Variants in PRKCB observed in about 807,000 individuals in gnomAD.
PRKCB encodes the protein protein kinase C beta.
A neutral mutation model predicts 81.5 loss-of-function variants in PRKCB; 13 were observed. The ratio of observed to expected loss-of-function variants is 0.16; its 90% CI spans 0.10 to 0.25. The LOEUF (loss-of-function observed/expected upper bound fraction) is 0.25. Among genes scored for constraint, PRKCB ranks in the 10% least tolerant of loss-of-function variants. The pLI is 1.00. For synonymous variants in PRKCB, 335 were observed against 321.4 expected, an observed-to-expected ratio of 1.04 and a Z score of -0.45; for missense variants, 509 against 875.7, an observed-to-expected ratio of 0.58 and a Z score of 5.29.
chr16:23,925,894 A>G (rs975891373), intron 2 of PRKCB, among the ~76,000 whole-genome samples: 4 of 151,672 alleles, frequency 2.6e-5, no homozygotes, highest in Non-Finnish European at 4.4e-5. Flanking sequence ...CCCATTTATA[A>G]CTAAGAATAT....
At chr16:24,169,394 G>C (rs1427040502) in intron 10 of PRKCB, among the ~76,000 whole-genome samples, 2 of 152,126 alleles carry the variant, frequency 1.3e-5, no homozygotes, top group Non-Finnish European at 2.9e-5. Context: ...ATTTCTTTCA[G>C]AGTGAGACCC....
intron 2 of PRKCB, among the ~76,000 whole-genome samples, chr16:23,902,732 C>CCCTCCCTTCCTTCCTT (rs1175142476): frequency 2.7e-4 from 3 of 11,114 alleles, no homozygotes; most frequent in African/African-American, 1.4e-3. Context: ...CTCCCTTCCT[C>CCCTCCCTTCCTTCCTT]CCTTCCTTCC....
chr16:23,978,688 A>G (rs1004308237), intron 2 of PRKCB, among the ~76,000 whole-genome samples: 2 of 152,128 alleles, frequency 1.3e-5, no homozygotes, highest in Non-Finnish European at 2.9e-5. Context: ...GGTGGGGTAT[A>G]CTGTGGGTAG....
At chr16:23,985,123 G>A (rs139200565) in intron 2 of PRKCB, among the ~76,000 whole-genome samples, 3 of 151,930 alleles carry the variant, frequency 2.0e-5, no homozygotes, top group South Asian at 2.1e-4. Flanking sequence ...ATGGAGTCTC[G>A]CTCTGTTGCC....
At chr16:24,048,743 A>G (rs1302414072) in intron 5 of PRKCB, among the ~76,000 whole-genome samples, 4 of 151,998 alleles carry the variant, frequency 2.6e-5, no homozygotes, top group Non-Finnish European at 4.4e-5. Context: ...CGGCCCCCCA[A>G]AGTGCTGGGA....
In PRKCB at chr16:23,933,423, C is replaced by A. The variant is rs368162328; in HGVS notation, c.206-55085C>A. Among the ~76,000 whole-genome samples the A allele has an allele frequency of 2.0e-5, 3 of 152,198 alleles. No individual in the cohort carries two copies. The East Asian group carries it at 5.8e-4, about 29-fold the overall frequency. On this transcript the variant is annotated intron_variant, in intron 2 of 16. Transcript: ENST00000643927. ...TTGGTTAAGTTGCATATGGTTGGCTCTTCTGTTAATTCAAGCCAGAAGATT... is the reference window on the plus strand; with the variant it reads ...TTGGTTAAGTTGCATATGGTTGGCTATTCTGTTAATTCAAGCCAGAAGATT...
At chr16:23,990,467 GA>G (rs1353103878) in intron 3 of PRKCB, among the ~76,000 whole-genome samples, 2 of 143,744 alleles carry the variant, frequency 1.4e-5, no homozygotes, top group East Asian at 2.1e-4. Flanking sequence ...CGAAAAAAAA[GA>G]AAAAAAAGAA....
At chr16:24,143,403 AC>A (rs1966934813) in intron 9 of PRKCB, among the ~76,000 whole-genome samples, 1 of 152,036 alleles carries the variant, frequency 6.6e-6, no homozygotes, top group Non-Finnish European at 1.5e-5. Context: ...AGGTGCTGGG[AC>A]TACAGGCATG....
At chr16:23,843,298 C>T (rs1033118334) in intron 2 of PRKCB, among the ~76,000 whole-genome samples, 4 of 152,150 alleles carry the variant, frequency 2.6e-5, no homozygotes, top group Non-Finnish European at 5.9e-5. Flanking sequence ...TGTTTCACTT[C>T]TCTTTCTTCC....
chr16:24,120,824 C>G (rs1966791320), intron 8 of PRKCB, among the ~76,000 whole-genome samples: 1 of 152,156 alleles, frequency 6.6e-6, no homozygotes, highest in South Asian at 2.1e-4. Context: ...ACCTCCAACT[C>G]CTGGGCTCAG....
chr16:24,010,512 G>T (rs781630227), intron 3 of PRKCB, among the ~76,000 whole-genome samples: 1 of 152,284 alleles, frequency 6.6e-6, no homozygotes, highest in Non-Finnish European at 1.5e-5. Flanking sequence ...TAGTCAAATG[G>T]GCTTTCTTTG....
intron 2 of PRKCB, among the ~76,000 whole-genome samples, chr16:23,911,380 G>A (rs1055295636): frequency 2.6e-5 from 4 of 151,254 alleles, no homozygotes; most frequent in Admixed American, 6.6e-5. Flanking sequence ...CACCCACCTC[G>A]GCCTCCCAAA....
intron 2 of PRKCB, among the ~76,000 whole-genome samples, chr16:23,856,655 C>G (rs1339713313): frequency 6.6e-6 from 1 of 151,956 alleles, no homozygotes; most frequent in Non-Finnish European, 1.5e-5. Flanking sequence ...TCATGAGTAG[C>G]TGGGACTTGA....
At position 24,219,245 on chromosome 16, in the gene PRKCB, C is replaced by G. The variant is rs199618218; in HGVS notation, c.*4429C>G. On this transcript the variant is annotated 3_prime_UTR_variant, in exon 17 of 17. Transcript: ENST00000643927. Reference sequence around the variant, plus strand: ...AGGAGAATCGAGTTGCTTTGAGTTTCTTTTGTTTTGTTTTGTTTTGTTTTG... The same window carrying G: ...AGGAGAATCGAGTTGCTTTGAGTTTGTTTTGTTTTGTTTTGTTTTGTTTTG... 2.0e-5 allele frequency: 20 copies of G among 981,866 alleles called. No homozygotes were observed. Among genetic ancestry groups the G allele is most frequent in the Admixed American group, 6.2e-5 (1 of 16,100 alleles). The allele number at this position is 981,866 out of a possible 1,614,324, so 60.8% of individuals were successfully genotyped here.
intron 2 of PRKCB, among the ~76,000 whole-genome samples, chr16:23,854,048 C>T (rs1212714595): frequency 6.7e-6 from 1 of 150,328 alleles, no homozygotes; most frequent in Non-Finnish European, 1.5e-5. Context: ...TCTCGTGAGA[C>T]TTATTCACTA....
intron 3 of PRKCB, among the ~76,000 whole-genome samples, chr16:24,002,934 G>A: frequency 6.6e-6 from 1 of 152,040 alleles, no homozygotes; most frequent in East Asian, 1.9e-4. Flanking sequence ...CCTCTGGTTG[G>A]ACTCAAGGGG....
chr16:23,915,864 C>T (rs960578716), intron 2 of PRKCB, among the ~76,000 whole-genome samples: 2 of 151,786 alleles, frequency 1.3e-5, no homozygotes, highest in Non-Finnish European at 2.9e-5. Context: ...AAAACTCGAT[C>T]GTTAACATTC....
Position 24,219,233 on chromosome 16 carries a change from T to G in PRKCB, c.*4417T>G. The G allele has an allele frequency of 1.0e-6, 1 of 982,590 alleles. No individual in the cohort carries two copies. The highest frequency in any genetic ancestry group is 1.2e-6 in the Non-Finnish European group (1 of 828,880). 60.9% of individuals were successfully genotyped at this position (982,590 alleles called of 1,614,324 possible). ...GCCAGACTTACTAGGAGAATCGAGT[T>G]GCTTTGAGTTTCTTTTGTTTTGTTT... On this transcript the variant is annotated 3_prime_UTR_variant, in exon 17 of 17. Transcript: ENST00000643927.
intron 12 of PRKCB, 67 bp downstream of exon 12, chr16:24,174,647 C>T (rs1437870507): frequency 1.2e-5 from 17 of 1,371,588 alleles, no homozygotes; most frequent in Non-Finnish European, 1.6e-5. Flanking sequence ...CTGCCTCTTT[C>T]TTCAGCTGCT....
Sources: allele counts gnomAD v4.1 joint callset (sites outside exome capture counted in the v4.1 genomes callset), GRCh38; gene constraint gnomAD v4.1.1; transcripts MANE v1.5; gene names NCBI Gene and HGNC (gene_info 2026-07-23, HGNC 2026-07-21).